Variants in KAT14 observed in about 807,000 individuals in gnomAD.
KAT14 encodes lysine acetyltransferase 14.
A neutral mutation model predicts 78.4 loss-of-function variants in KAT14; 66 were observed. The observed-to-expected ratio is 0.84, with a 90% CI of 0.69 to 1.03. The LOEUF (loss-of-function observed/expected upper bound fraction) is 1.03, where lower values mean the gene tolerates loss of function less well. Ranked by LOEUF, KAT14 falls within the 50% of genes least tolerant of loss-of-function variation. KAT14 has a pLI of 0.00. For missense variants in KAT14, 870 were observed against 972.5 expected, an observed-to-expected ratio of 0.89 and a Z score of 1.40; for synonymous variants, 344 against 359.4, an observed-to-expected ratio of 0.96 and a Z score of 0.48.
In KAT14 at chr20:18,170,778, C is replaced by T. The variant is rs548669454; in HGVS notation, c.1668+7833C>T. 1.5e-4 allele frequency among the ~76,000 whole-genome samples: 23 copies of T among 152,300 alleles called. No individual in the cohort carries two copies. In the South Asian group the frequency reaches 3.3e-3, roughly 22 times the overall value. On this transcript the variant is annotated intron_variant, in intron 7 of 10. Transcript: ENST00000688188. Reference sequence around the variant, plus strand: ...GGCCTCGATCTCCTGACCTCGTGGTCCGCCCGCCTCGGCCTCCCAAAGTGC... The same window carrying T: ...GGCCTCGATCTCCTGACCTCGTGGTTCGCCCGCCTCGGCCTCCCAAAGTGC...
chr20:18,184,602 G>C lies in KAT14; in HGVS notation c.1982G>C (p.Gly661Ala), dbSNP rs775783788. 2 of 1,603,760 alleles carry C rather than the reference G, an allele frequency of 1.2e-6. No individual in the cohort carries two copies. Among genetic ancestry groups the C allele is most frequent in the African/African-American group, 2.7e-5 (2 of 73,804 alleles). The change falls in exon 10 of 11, where the codon GGC becomes GCC. Residue 661 changes from glycine to alanine, a missense_variant and splice_region_variant. By Grantham distance (60) the Gly-to-Ala change is moderately conservative. Transcript: ENST00000688188. ...NSMCQEFFWP[G>A]IDLSECLQYP... ...GTCTCCGATGGTTTCTTTTCTTTAG[G>C]CATTGACCTGTCTGAGTGTCTGCAG...
At chr20:18,174,101 T>A (rs1014864543) in intron 7 of KAT14, among the ~76,000 whole-genome samples, 3 of 152,230 alleles carry the variant, frequency 2.0e-5, no homozygotes, top group African/African-American at 7.2e-5. Context: ...ACACTTTCTT[T>A]CACTTAGCAT....
intron 3 of KAT14, among the ~76,000 whole-genome samples, chr20:18,148,459 G>T (rs555303886): frequency 7.9e-5 from 12 of 152,238 alleles, no homozygotes; most frequent in Non-Finnish European, 1.6e-4. Flanking sequence ...ATCTTTGCTT[G>T]TTATTTTTCT....
At chr20:18,153,244 A>T (rs1376216592) in intron 4 of KAT14, among the ~76,000 whole-genome samples, 1 of 152,104 alleles carries the variant, frequency 6.6e-6, no homozygotes, top group Non-Finnish European at 1.5e-5. Context: ...AAGGAGGGTG[A>T]CCTGCAGGCT....
chr20:18,149,051 C>T (rs988648235), intron 3 of KAT14, among the ~76,000 whole-genome samples: 3 of 151,996 alleles, frequency 2.0e-5, no homozygotes, highest in Non-Finnish European at 4.4e-5. Flanking sequence ...TTTTTAGGGT[C>T]ATAAAATGTC....
chr20:18,153,158 C>T (rs1486721935), intron 4 of KAT14, among the ~76,000 whole-genome samples: 1 of 152,168 alleles, frequency 6.6e-6, no homozygotes, highest in African/African-American at 2.4e-5. Context: ...TTGGGGTTCA[C>T]TGCAGCCTCT....
At chr20:18,152,775 C>T (rs1163577287) in intron 4 of KAT14, among the ~76,000 whole-genome samples, 1 of 152,136 alleles carries the variant, frequency 6.6e-6, no homozygotes, top group East Asian at 1.9e-4. Context: ...TTTCATAGTG[C>T]TTAGCAAAGT....
chr20:18,183,648 A>C, intron 9 of KAT14: 2 of 574,906 alleles, frequency 3.5e-6, no homozygotes, highest in Non-Finnish European at 4.4e-6. Flanking sequence ...TTTTTGGCTT[A>C]ATAATTCTTT....
In KAT14 at chr20:18,143,788, C is replaced by T. The variant is rs148920937; in HGVS notation, c.259+869C>T. 7.4e-4 allele frequency among the ~76,000 whole-genome samples: 112 copies of T among 152,144 alleles called. 1 individual carries two copies. In the East Asian group the frequency reaches 0.021, roughly 29 times the overall value. ...GATTACAGGCATGCGCCACCATGCC[C>T]GGCCAATTTTGTATTTTTAGTAGAG... On this transcript the variant is annotated intron_variant, in intron 2 of 10. Transcript: ENST00000688188.
At chr20:18,172,949 A>G (rs974406045) in intron 7 of KAT14, among the ~76,000 whole-genome samples, 1 of 152,126 alleles carries the variant, frequency 6.6e-6, no homozygotes, top group African/African-American at 2.4e-5. Context: ...CTGTGGACTA[A>G]AAGTGCTTCT....
chr20:18,138,057 T>C lies in KAT14; in HGVS notation c.-454+6T>C. ...AGCAGCAGTGGGACCAGCAGGTCGG[T>C]GTCACGTGACCGTCTCTTCCGGGCC... On this transcript the variant is annotated splice_donor_region_variant and intron_variant, in intron 1 of 10. Transcript: ENST00000688188. 1 of 1,475,324 alleles carries C rather than the reference T, an allele frequency of 6.8e-7. No individual in the cohort carries two copies. Among genetic ancestry groups the C allele is most frequent in the Non-Finnish European group, 8.9e-7 (1 of 1,118,866 alleles). The allele number at this position is 1,475,324 out of a possible 1,614,324, so 91.4% of individuals were successfully genotyped here.
chr20:18,149,174 ATTAT>A (rs2037946221), intron 3 of KAT14, among the ~76,000 whole-genome samples: 1 of 152,220 alleles, frequency 6.6e-6, no homozygotes. Flanking sequence ...ATTTTCTTAA[ATTAT>A]TTATTGAGCA....
intron 1 of KAT14, 26 bp downstream of exon 1, chr20:18,138,077 C>T (rs1014613119): frequency 2.1e-6 from 3 of 1,444,070 alleles, no homozygotes; most frequent in African/African-American, 3.0e-5. Context: ...CCGTCTCTTC[C>T]GGGCCCGCGC....
rs73899817 is a variant in KAT14 at position 18,182,600 on chromosome 20, C to T, written c.1806-523C>T. On this transcript the variant is annotated intron_variant, in intron 8 of 10. Transcript: ENST00000688188. Reference sequence around the variant, plus strand: ...GCTGAGCTTGCTAGAGAGGACCCAGCAGTGTCTGGCACTGTAAATGAGAGC... The same window carrying T: ...GCTGAGCTTGCTAGAGAGGACCCAGTAGTGTCTGGCACTGTAAATGAGAGC... Among the ~76,000 whole-genome samples the T allele has an allele frequency of 2.7e-3, 418 of 152,306 alleles. 1 individual carries two copies. The highest frequency in any genetic ancestry group is 9.5e-3 in the African/African-American group (395 of 41,580).
chr20:18,141,864 C>T (rs1600213762), intron 1 of KAT14, among the ~76,000 whole-genome samples: 1 of 151,912 alleles, frequency 6.6e-6, no homozygotes, highest in Middle Eastern at 3.4e-3. Context: ...CCAGCCTGGG[C>T]GACAGAGCGA....
intron 7 of KAT14, among the ~76,000 whole-genome samples, chr20:18,178,733 G>A (rs1056426395): frequency 4.1e-5 from 6 of 146,120 alleles, no homozygotes; most frequent in Non-Finnish European, 7.8e-5. Flanking sequence ...TGGAGACACA[G>A]AGCCAAACCA....
chr20:18,187,626 A>C lies in KAT14; in HGVS notation c.*167A>C. ...GCGGCATGCAGTGAAATGAGCAGTG[A>C]GCAGCCCTTTAGCAAAATCGCCCTC... On this transcript the variant is annotated 3_prime_UTR_variant, in exon 11 of 11. Coordinates refer to ENST00000688188, the MANE Select transcript of KAT14 (RefSeq NM_001392073.1). 8.5e-7 allele frequency: 1 copy of C among 1,178,974 alleles called. No individual in the cohort carries two copies. The highest frequency in any genetic ancestry group is 1.1e-6 in the Non-Finnish European group (1 of 872,400). The allele number at this position is 1,178,974 out of a possible 1,614,324, so 73.0% of individuals were successfully genotyped here. A position where few individuals can be genotyped will look rare whatever the true frequency, so the allele number is the denominator to read the frequency against.
chr20:18,152,925 TA>T (rs2038100686), intron 4 of KAT14, among the ~76,000 whole-genome samples: 1 of 152,196 alleles, frequency 6.6e-6, no homozygotes, highest in Non-Finnish European at 1.5e-5. Flanking sequence ...TGCGACCATA[TA>T]TTTTCACTAA....
rs111993486 is a variant in KAT14, at chr20:18,151,786, C to G, written c.500+844C>G. 3.3e-3 allele frequency among the ~76,000 whole-genome samples: 505 copies of G among 151,374 alleles called. 4 individuals are homozygous for G. Among genetic ancestry groups the G allele is most frequent in the African/African-American group, 0.012 (488 of 41,360 alleles). On this transcript the variant is annotated intron_variant, in intron 4 of 10. Coordinates refer to ENST00000688188, the MANE Select transcript of KAT14 (RefSeq NM_001392073.1). Reference sequence around the variant, plus strand: ...TGGGAGGCCGAGGTGGGTGGATCACCTGAGGTCAGGAGTTCAAGACCAGCC... The same window carrying G: ...TGGGAGGCCGAGGTGGGTGGATCACGTGAGGTCAGGAGTTCAAGACCAGCC...
Sources: allele counts gnomAD v4.1 joint callset (sites outside exome capture counted in the v4.1 genomes callset), GRCh38; gene constraint gnomAD v4.1.1; transcripts MANE v1.5; gene names NCBI Gene and HGNC (gene_info 2026-07-23, HGNC 2026-07-21).